Variants in ATP10B observed in about 807,000 individuals in gnomAD.
ATP10B encodes the protein ATPase phospholipid transporting 10B (putative).
In ATP10B, 122 loss-of-function variants were observed where a neutral mutation model predicts 141.2. The observed-to-expected ratio is 0.86, with a 90% confidence interval of 0.75 to 1.00. The LOEUF is 1.00. ATP10B is among the 50% of genes least tolerant of loss of function. ATP10B has a pLI of 0.00. For missense variants in ATP10B, 1,876 were observed against 1,825.3 expected, an observed-to-expected ratio of 1.03 and a Z score of -0.51; for synonymous variants, 685 against 692.0, an observed-to-expected ratio of 0.99 and a Z score of 0.16.
chr5:160,643,974 C>G (rs1225703557), intron 9 of ATP10B, among the ~76,000 whole-genome samples, 164 bp downstream of exon 9: 1 of 152,166 alleles, frequency 6.6e-6, no homozygotes, highest in Admixed American at 6.5e-5. Flanking sequence ...AGTGAGTGAA[C>G]TGCTGTGATT....
chr5:160,593,321 C>T (rs954182978), intron 22 of ATP10B, among the ~76,000 whole-genome samples: 1 of 152,222 alleles, frequency 6.6e-6, no homozygotes, highest in South Asian at 2.1e-4. Flanking sequence ...CTGGATTGGA[C>T]CTCTAGCAAA....
intron 5 of ATP10B, among the ~76,000 whole-genome samples, chr5:160,687,284 A>G (rs542864567): frequency 6.6e-6 from 1 of 151,972 alleles, no homozygotes; most frequent in Non-Finnish European, 1.5e-5. Context: ...CTGCCTCTCC[A>G]TTTTTTTTAT....
At chr5:160,755,838 A>AATATATATATATATATATATATAT (rs1181077522) in intron 2 of ATP10B, among the ~76,000 whole-genome samples, 1 of 45,408 alleles carries the variant, frequency 2.2e-5, no homozygotes, top group Non-Finnish European at 4.1e-5. Flanking sequence ...AAAAAAAAAA[A>AATATATATATATATATATATATAT]ATATATATAT....
intron 2 of ATP10B, among the ~76,000 whole-genome samples, chr5:160,723,815 G>T (rs10062528): frequency 0.77 from 116,990 of 152,058 alleles, 45,331 homozygotes; most frequent in African/African-American, 0.85. Context: ...CTGAGTCTGT[G>T]CTTAAAAAAG....
At chr5:160,897,224 A>G in the ATP10B span, among the ~76,000 whole-genome samples, 55 of 152,326 alleles carry the variant, frequency 3.6e-4, no homozygotes, top group Admixed American at 2.7e-3. Flanking sequence ...AATAAAGCAT[A>G]TTCAAATAGG....
intron 2 of ATP10B, among the ~76,000 whole-genome samples, chr5:160,749,099 C>T (rs896909400): frequency 1.2e-4 from 18 of 152,218 alleles, no homozygotes; most frequent in African/African-American, 3.6e-4. Context: ...GTTCTTTCTG[C>T]GACTCCAGAA....
chr5:160,626,606 A>C (rs1758626249), intron 13 of ATP10B, among the ~76,000 whole-genome samples: 1 of 152,206 alleles, frequency 6.6e-6, no homozygotes, highest in African/African-American at 2.4e-5. Context: ...CATTTCTCAA[A>C]CTTTAACATG....
chr5:160,897,868 G>A, the ATP10B span, among the ~76,000 whole-genome samples: 14,835 of 152,030 alleles, frequency 0.098, 828 homozygotes, highest in Non-Finnish European at 0.12. Flanking sequence ...ACAGAACAGA[G>A]GCCTCAGAAA....
At chr5:160,568,577 A>C (rs1476543889) in intron 25 of ATP10B, among the ~76,000 whole-genome samples, 1 of 152,162 alleles carries the variant, frequency 6.6e-6, no homozygotes, top group Non-Finnish European at 1.5e-5. Flanking sequence ...CTGACTAGAG[A>C]GAGTGGGCTG....
At chr5:160,897,103 G>A in the ATP10B span, among the ~76,000 whole-genome samples, 2 of 152,078 alleles carry the variant, frequency 1.3e-5, no homozygotes, top group East Asian at 1.9e-4. Flanking sequence ...ATGGGAAAAA[G>A]CTGGAAGCAT....
chr5:160,634,082 T>C (rs1416479531), intron 12 of ATP10B: 6 of 524,556 alleles, frequency 1.1e-5, no homozygotes, highest in Non-Finnish European at 2.1e-5. Context: ...ACTCGTCTCA[T>C]AAAGTGCTTT....
At chr5:160,691,824 G>A (rs933676685) in intron 3 of ATP10B, 3 of 152,168 alleles carry the variant, frequency 2.0e-5, no homozygotes, top group African/African-American at 7.2e-5. Flanking sequence ...TAGCAAGCCT[G>A]AAAAGGTAAA....
At chr5:160,889,888 T>C in the ATP10B span, among the ~76,000 whole-genome samples, 1 of 152,194 alleles carries the variant, frequency 6.6e-6, no homozygotes, top group Non-Finnish European at 1.5e-5. Flanking sequence ...CTTCAGAACC[T>C]GACATCTCCT....
At chr5:160,701,314 C>A (rs906965950) in intron 3 of ATP10B, among the ~76,000 whole-genome samples, 1 of 152,156 alleles carries the variant, frequency 6.6e-6, no homozygotes. Flanking sequence ...CCAGCCCTGT[C>A]TTTTGTTATC....
chr5:160,642,358 C>G (rs1759933687), intron 9 of ATP10B, among the ~76,000 whole-genome samples: 2 of 152,214 alleles, frequency 1.3e-5, no homozygotes, highest in Admixed American at 1.3e-4. Flanking sequence ...CCTCTTTCTT[C>G]TGTAAATCTC....
At chr5:160,688,410 C>T (rs1223322040) in intron 4 of ATP10B, among the ~76,000 whole-genome samples, 1 of 152,104 alleles carries the variant, frequency 6.6e-6, no homozygotes, top group Non-Finnish European at 1.5e-5. Flanking sequence ...GAATACGTGC[C>T]ATGGGAGCAT....
At chr5:160,657,419 G>C (rs547309220) in intron 7 of ATP10B, among the ~76,000 whole-genome samples, 5 of 152,116 alleles carry the variant, frequency 3.3e-5, no homozygotes, top group African/African-American at 9.7e-5. Context: ...CTTTCCTCTG[G>C]CTCTGGATGA....
chr5:160,801,723 C>A (rs894132445), intron 1 of ATP10B, among the ~76,000 whole-genome samples: 9 of 152,160 alleles, frequency 5.9e-5, no homozygotes, highest in African/African-American at 2.2e-4. Context: ...AACCACTCAC[C>A]TGGACCTCTA....
intron 2 of ATP10B, among the ~76,000 whole-genome samples, chr5:160,783,583 AC>A (rs1770913653): frequency 7.5e-6 from 1 of 132,794 alleles, no homozygotes; most frequent in African/African-American, 2.7e-5. Context: ...ACACACACAC[AC>A]ACACACACAC....
Sources: gnomAD v4.1 joint callset for allele counts (sites outside exome capture counted in the v4.1 genomes callset) on GRCh38, gnomAD v4.1.1 for gene constraint, MANE v1.5 for transcripts, NCBI Gene and HGNC (gene_info 2026-07-23, HGNC 2026-07-21) for gene names.